The following RTN4IP1 variants were observed in gnomAD, a reference collection of about 807,000 sequenced individuals.
The protein encoded by RTN4IP1 is NAD(P)H oxidoreductase RTN4IP1, mitochondrial.
Under a neutral mutation model 46.6 loss-of-function variants are expected in RTN4IP1, and 32 were observed. The observed-to-expected ratio is 0.69, with a 90% confidence interval of 0.52 to 0.92. The LOEUF (loss-of-function observed/expected upper bound fraction) is 0.92. Among genes scored for constraint, RTN4IP1 ranks in the 40% least tolerant of loss-of-function variants. The pLI, the probability that RTN4IP1 is intolerant of heterozygous loss-of-function variation, is 0.00. For synonymous variants in RTN4IP1, 167 were observed against 161.8 expected (o/e 1.03, Z -0.24); for missense variants, 424 against 485.8 (o/e 0.87, Z 1.20).
At chr6:106,596,021 CA>C (rs1398938871) in intron 5 of RTN4IP1, among the ~76,000 whole-genome samples, 2 of 121,332 alleles carry the variant, frequency 1.6e-5, no homozygotes, top group African/African-American at 5.5e-5. Flanking sequence ...TAAAAGGTTT[CA>C]ACCCATTGTA....
Position 106,628,889 on chromosome 6 carries a change from C to G in RTN4IP1, c.133G>C (p.Ala45Pro). 6.2e-7 allele frequency: 1 copy of G among 1,614,152 alleles called. No individual in the cohort carries two copies. Among genetic ancestry groups the G allele is most frequent in the Non-Finnish European group, 8.5e-7 (1 of 1,180,030 alleles). Reference protein sequence around the residue: ...TTSPRSTVMPAWVIDKYGKNE... With the variant: ...TTSPRSTVMPPWVIDKYGKNE... The stretch of plus-strand genomic sequence containing the variant: ...TTCCCATATTTATCTATCACCCAAG[C>G]AGGCATGACAGTGCTCCTAGGAGAG... Residue 45 changes from alanine to proline, a missense_variant, in exon 1 of 9, where the codon GCT becomes CCT. Ala to Pro is a conservative substitution (Grantham distance 27). Transcript: ENST00000369063.
chr6:106,618,372 T>C (rs1171265679), intron 4 of RTN4IP1, among the ~76,000 whole-genome samples: 1 of 152,200 alleles, frequency 6.6e-6, no homozygotes, highest in African/African-American at 2.4e-5. Flanking sequence ...GTATCTAGTT[T>C]TCTCAACAAA....
intron 5 of RTN4IP1, among the ~76,000 whole-genome samples, chr6:106,601,672 G>A (rs12525583): frequency 0.15 from 22,535 of 152,100 alleles, 1,826 homozygotes; most frequent in Admixed American, 0.23. Context: ...GTGCAGTGGC[G>A]TGATCTAGGC....
chr6:106,574,990 G>A (rs1270023848), intron 8 of RTN4IP1, among the ~76,000 whole-genome samples: 1 of 152,224 alleles, frequency 6.6e-6, no homozygotes, highest in Non-Finnish European at 1.5e-5. Flanking sequence ...GTTTCAAATT[G>A]AAGGCAGGCA....
At chr6:106,580,083 G>A (rs1409561854) in intron 8 of RTN4IP1, among the ~76,000 whole-genome samples, 2 of 151,626 alleles carry the variant, frequency 1.3e-5, no homozygotes, top group African/African-American at 2.4e-5. Flanking sequence ...GCATGGTGGC[G>A]GGCGCCTGTA....
chr6:106,570,833 T>A lies in RTN4IP1; in HGVS notation c.*1163A>T, dbSNP rs1368438411. On this transcript the variant is annotated 3_prime_UTR_variant, in exon 9 of 9. Coordinates refer to ENST00000369063, the MANE Select transcript of RTN4IP1 (RefSeq NM_032730.5). ...GAGAAAAGCCTACATCTAACATACA[T>A]GCTACCAAACGAGTGTCTAACAGGA... 1.3e-5 allele frequency: 2 copies of A among 152,094 alleles called. No homozygotes were observed. The highest frequency in any genetic ancestry group is 2.9e-5 in the Non-Finnish European group (2 of 68,014). The allele number at this position is 152,094 out of a possible 1,614,324, so 9.4% of individuals were successfully genotyped here. A position where few individuals can be genotyped will look rare whatever the true frequency, so the allele number is the denominator to read the frequency against.
intron 1 of RTN4IP1, among the ~76,000 whole-genome samples, chr6:106,627,641 A>G (rs1776679946): frequency 6.6e-6 from 1 of 152,006 alleles, no homozygotes; most frequent in Non-Finnish European, 1.5e-5. Flanking sequence ...TAAAAAGAAT[A>G]AAGGAAAACG....
chr6:106,581,232 A>C lies in RTN4IP1; in HGVS notation c.1083+2096T>G, dbSNP rs578160075. Among the ~76,000 whole-genome samples, 6 of 152,300 alleles carry C rather than the reference A, an allele frequency of 3.9e-5. No individual in the cohort carries two copies. In the East Asian group the frequency reaches 1.2e-3, roughly 29 times the overall value. On this transcript the variant is annotated intron_variant, in intron 8 of 8. Coordinates refer to ENST00000369063, the MANE Select transcript of RTN4IP1 (RefSeq NM_032730.5). ...TTGAACCTTATGAATGTATTTTTTCAAAGTTCAAGTATTTTAAAAGAGTTG... is the reference window on the plus strand; with the variant it reads ...TTGAACCTTATGAATGTATTTTTTCCAAGTTCAAGTATTTTAAAAGAGTTG...
intron 4 of RTN4IP1, among the ~76,000 whole-genome samples, chr6:106,612,086 G>A (rs893466167): frequency 2.6e-5 from 4 of 152,068 alleles, no homozygotes; most frequent in Non-Finnish European, 5.9e-5. Flanking sequence ...AGCAGATAGA[G>A]GGAAAAATGC....
Position 106,629,340 on chromosome 6 carries a change from C to T in RTN4IP1, c.-319G>A, listed in dbSNP as rs1776749638. ...GGCATTAAAAAGCAGGTGCGCAAAC[C>T]CCCTAGATCCCTGCCCTGTCCTGGG... On this transcript the variant is annotated 5_prime_UTR_variant, in exon 1 of 9. Transcript: ENST00000369063. 3.7e-6 allele frequency: 2 copies of T among 536,594 alleles called. No individual in the cohort carries two copies. Among genetic ancestry groups the T allele is most frequent in the Admixed American group, 3.4e-5 (1 of 29,492 alleles). 33.2% of individuals were successfully genotyped at this position (536,594 alleles called of 1,614,324 possible). A position where few individuals can be genotyped will look rare whatever the true frequency, so the allele number is the denominator to read the frequency against.
chr6:106,599,640 C>A (rs1775892388), intron 5 of RTN4IP1, among the ~76,000 whole-genome samples: 1 of 152,026 alleles, frequency 6.6e-6, no homozygotes, highest in Non-Finnish European at 1.5e-5. Flanking sequence ...TTTTTCATGA[C>A]TGCATAATAT....
chr6:106,605,310 T>C (rs1397961167), intron 4 of RTN4IP1, among the ~76,000 whole-genome samples: 4 of 151,636 alleles, frequency 2.6e-5, no homozygotes, highest in Non-Finnish European at 5.9e-5. Context: ...GGCACACTCC[T>C]GTAGTCCCAG....
chr6:106,604,696 C>T (rs907984002), intron 4 of RTN4IP1, among the ~76,000 whole-genome samples: 2 of 152,154 alleles, frequency 1.3e-5, no homozygotes, highest in African/African-American at 4.8e-5. Flanking sequence ...TCCTAGGCTA[C>T]TGTCTGTTCT....
rs756132764 is a variant in RTN4IP1 at position 106,587,768 on chromosome 6, C to A, written c.901G>T (p.Val301Leu). 6.2e-7 allele frequency: 1 copy of A among 1,613,994 alleles called. No individual in the cohort carries two copies. The highest frequency in any genetic ancestry group is 8.5e-7 in the Non-Finnish European group (1 of 1,180,002). ...KWSGATYVTL[V>L]TPFLLNMDRL... The stretch of plus-strand genomic sequence containing the variant: ...TCCATGTTCAGGAGGAAAGGAGTCA[C>A]CAAAGTCACATAGGTGGCTCCTGAC... Residue 301 changes from valine to leucine, a missense_variant, in exon 7 of 9, where the codon GTG (valine) becomes TTG (leucine). Val to Leu is a conservative substitution (Grantham distance 32, BLOSUM62 1). Coordinates refer to ENST00000369063, the MANE Select transcript of RTN4IP1 (RefSeq NM_032730.5).
intron 8 of RTN4IP1, among the ~76,000 whole-genome samples, chr6:106,575,311 T>C (rs956638002): frequency 2.0e-5 from 3 of 152,218 alleles, no homozygotes; most frequent in Middle Eastern, 3.2e-3. Flanking sequence ...GCAGCCCTCA[T>C]TCAGTCTTGG....
chr6:106,587,184 A>T (rs1323162359), intron 7 of RTN4IP1, among the ~76,000 whole-genome samples: 2 of 152,248 alleles, frequency 1.3e-5, no homozygotes, highest in African/African-American at 4.8e-5. Context: ...CTATCCCAAT[A>T]CAATGAAAAC....
In RTN4IP1 at chr6:106,588,313, ATAAAG is replaced by A. The variant is rs367967986; in HGVS notation, c.807-456_807-452del. On this transcript the variant is annotated intron_variant, in intron 6 of 8. Coordinates refer to ENST00000369063, the MANE Select transcript of RTN4IP1 (RefSeq NM_032730.5). ...AAAACTGCAAAGCTTTCCATTCTCT[ATAAAG>A]TATTCTTTAGTGCACATGGATACTT... Among the ~76,000 whole-genome samples, 147 of 152,354 alleles carry A rather than the reference ATAAAG, an allele frequency of 9.6e-4. 2 individuals carry two copies. Among genetic ancestry groups the A allele is most frequent in the African/African-American group, 3.4e-3 (140 of 41,588 alleles).
chr6:106,629,500 GCGCCAACCAAT>G, upstream of RTN4IP1: 1 of 821,582 alleles, frequency 1.2e-6, no homozygotes, highest in Non-Finnish European at 1.8e-6. Context: ...TGGCTTTGCG[GCGCCAACCAAT>G]CGCCTACAAA....
Position 106,571,678 on chromosome 6 carries a change from G to A in RTN4IP1, c.*318C>T, listed in dbSNP as rs554756055. 5 of 256,524 alleles carry A rather than the reference G, an allele frequency of 1.9e-5. No homozygotes were observed. Among genetic ancestry groups the A allele is most frequent in the Non-Finnish European group, 3.1e-5 (4 of 129,980 alleles). 15.9% of individuals were successfully genotyped at this position (256,524 alleles called of 1,614,324 possible). A position where few individuals can be genotyped will look rare whatever the true frequency, so the allele number is the denominator to read the frequency against. ...TGCACTCCAGCCTGGGTGACACAGC[G>A]AGACCCTGTCTCTAAAACAAAAAAG... On this transcript the variant is annotated 3_prime_UTR_variant, in exon 9 of 9. Coordinates refer to ENST00000369063, the MANE Select transcript of RTN4IP1 (RefSeq NM_032730.5).
Sources: gnomAD v4.1 joint callset for allele counts (sites outside exome capture counted in the v4.1 genomes callset) on GRCh38, gnomAD v4.1.1 for gene constraint, MANE v1.5 for transcripts, NCBI Gene and HGNC (gene_info 2026-07-23, HGNC 2026-07-21) for gene names.